The following CCDC3 variants were observed in gnomAD, a reference collection of about 807,000 sequenced individuals.
The protein encoded by CCDC3 is coiled-coil domain-containing protein 3.
CCDC3 carries 24 observed loss-of-function variants against 21.4 expected under a neutral mutation model. That is an observed-to-expected ratio of 1.12 (90% CI 0.81 to 1.58). The LOEUF is 1.58. CCDC3 is among the 40% of genes most tolerant of loss of function. The pLI, the probability that CCDC3 is intolerant of heterozygous loss-of-function variation, is 0.00. For synonymous variants in CCDC3, 186 were observed against 166.0 expected (o/e 1.12, Z -0.93); for missense variants, 425 against 360.9 (o/e 1.18, Z -1.44).
chr10:12,942,877 T>A (rs1834855331), intron 2 of CCDC3, among the ~76,000 whole-genome samples: 3 of 152,118 alleles, frequency 2.0e-5, no homozygotes, highest in Non-Finnish European at 4.4e-5. Flanking sequence ...TTAAACTCAC[T>A]CCTTGTGTGT....
At chr10:12,982,006 C>G (rs1196967521) in intron 2 of CCDC3, among the ~76,000 whole-genome samples, 1 of 150,988 alleles carries the variant, frequency 6.6e-6, no homozygotes, top group Non-Finnish European at 1.5e-5. Context: ...GTCTGTAGTC[C>G]CAGCTACTTG....
At chr10:13,083,110 T>C (rs1300455536) in intron 3 of CCDC3, among the ~76,000 whole-genome samples, 1 of 152,086 alleles carries the variant, frequency 6.6e-6, no homozygotes, top group East Asian at 1.9e-4. Flanking sequence ...TAACAAGCAG[T>C]GAGTTCAGGC....
intron 2 of CCDC3, among the ~76,000 whole-genome samples, chr10:12,938,573 C>G (rs1401399282): frequency 1.3e-5 from 2 of 152,172 alleles, no homozygotes; most frequent in African/African-American, 4.8e-5. Flanking sequence ...AGACAAGTTA[C>G]TCAATCATTC....
chr10:13,021,483 T>C (rs1433676492), intron 5 of CCDC3, among the ~76,000 whole-genome samples: 1 of 152,218 alleles, frequency 6.6e-6, no homozygotes, highest in South Asian at 2.1e-4. Context: ...AAGAGCTCTT[T>C]CCTGTGGCAG....
At chr10:12,965,691 C>T (rs981051064) in intron 2 of CCDC3, among the ~76,000 whole-genome samples, 3 of 152,158 alleles carry the variant, frequency 2.0e-5, no homozygotes, top group African/African-American at 4.8e-5. Context: ...ATTTGTCATT[C>T]GTTGTTAATG....
intron 2 of CCDC3, among the ~76,000 whole-genome samples, chr10:12,921,587 C>T (rs1048198624): frequency 6.6e-6 from 1 of 152,172 alleles, no homozygotes; most frequent in African/African-American, 2.4e-5. Context: ...TAAAATTTAC[C>T]ATCTTAACCA....
chr10:13,075,314 C>T (rs112012833), intron 3 of CCDC3, among the ~76,000 whole-genome samples: 13 of 152,308 alleles, frequency 8.5e-5, no homozygotes, highest in African/African-American at 2.6e-4. Flanking sequence ...GTGACTGGCA[C>T]ATGTAGGAGC....
At chr10:12,975,686 T>G (rs967570545) in intron 2 of CCDC3, among the ~76,000 whole-genome samples, 3 of 152,164 alleles carry the variant, frequency 2.0e-5, no homozygotes, top group Non-Finnish European at 4.4e-5. Context: ...GCACCCTGTG[T>G]CACATGAAGA....
At chr10:13,093,859 T>G (rs1183906920) in intron 3 of CCDC3, among the ~76,000 whole-genome samples, 1 of 152,182 alleles carries the variant, frequency 6.6e-6, no homozygotes, top group Non-Finnish European at 1.5e-5. Flanking sequence ...AAACTATGTC[T>G]AAAATTAGAC....
intron 2 of CCDC3, among the ~76,000 whole-genome samples, chr10:12,947,462 C>A (rs1379240434): frequency 6.6e-6 from 1 of 152,172 alleles, no homozygotes; most frequent in African/African-American, 2.4e-5. Context: ...CACTTCTATA[C>A]AACAAATATT....
At chr10:12,989,162 G>A (rs1466609113) in intron 2 of CCDC3, among the ~76,000 whole-genome samples, 1 of 152,146 alleles carries the variant, frequency 6.6e-6, no homozygotes, top group African/African-American at 2.4e-5. Context: ...TATTCAGCAG[G>A]GCTAGAAGCC....
intron 5 of CCDC3, among the ~76,000 whole-genome samples, chr10:13,035,865 G>C (rs1433354961): frequency 6.6e-6 from 1 of 151,590 alleles, no homozygotes; most frequent in Non-Finnish European, 1.5e-5. Flanking sequence ...TGGCTGCCCG[G>C]CCAGGCATGG....
intron 2 of CCDC3, among the ~76,000 whole-genome samples, chr10:12,995,207 T>G (rs186831008): frequency 6.6e-6 from 1 of 152,314 alleles, no homozygotes; most frequent in Non-Finnish European, 1.5e-5. Context: ...TAATTTTAAT[T>G]TCAAATTAAG....
At chr10:13,005,599 G>C (rs1324195040), upstream of CCDC3, among the ~76,000 whole-genome samples, 1 of 152,200 alleles carries the variant, frequency 6.6e-6, no homozygotes, top group Non-Finnish European at 1.5e-5. Context: ...GCCATATCCA[G>C]AATAAGGCAT....
chr10:12,984,218 C>A (rs1417145117), intron 2 of CCDC3, among the ~76,000 whole-genome samples: 1 of 152,188 alleles, frequency 6.6e-6, no homozygotes, highest in African/African-American at 2.4e-5. Flanking sequence ...AATAAAAAGA[C>A]AACCTAGTTA....
At chr10:12,986,378 T>C (rs1835590572) in intron 2 of CCDC3, among the ~76,000 whole-genome samples, 1 of 152,144 alleles carries the variant, frequency 6.6e-6, no homozygotes, top group African/African-American at 2.4e-5. Flanking sequence ...ATATTAACAG[T>C]AGGGGACAAG....
intron 2 of CCDC3, among the ~76,000 whole-genome samples, chr10:12,902,805 T>C (rs547172487): frequency 7.4e-6 from 1 of 134,252 alleles, no homozygotes; most frequent in East Asian, 2.2e-4. Flanking sequence ...AGCAAGAGGA[T>C]GAATTTCACC....
chr10:13,031,568 G>T (rs1589045440), intron 5 of CCDC3, among the ~76,000 whole-genome samples: 2 of 151,926 alleles, frequency 1.3e-5, no homozygotes, highest in Admixed American at 1.3e-4. Flanking sequence ...CTGGTTTTTT[G>T]AAAAAATCGA....
At chr10:13,021,002 T>C (rs951308293) in intron 5 of CCDC3, among the ~76,000 whole-genome samples, 49 of 152,268 alleles carry the variant, frequency 3.2e-4, no homozygotes, top group African/African-American at 1.1e-3. Context: ...CAATATGTCC[T>C]GTACCTATCA....
Sources: gnomAD v4.1 joint callset for allele counts (sites outside exome capture counted in the v4.1 genomes callset) on GRCh38, gnomAD v4.1.1 for gene constraint, MANE v1.5 for transcripts, NCBI Gene and HGNC (gene_info 2026-07-23, HGNC 2026-07-21) for gene names.